Variants in PARP11 observed in about 807,000 individuals in gnomAD.
PARP11 encodes protein mono-ADP-ribosyltransferase PARP11.
PARP11 carries 31 observed loss-of-function variants against 42.9 expected under a neutral mutation model. The observed-to-expected ratio is 0.72, with a 90% CI of 0.54 to 0.98. The LOEUF is 0.98. PARP11 is among the 50% of genes least tolerant of loss of function. The pLI is 0.00. For synonymous variants in PARP11, 137 were observed against 127.3 expected (o/e 1.08, Z -0.51); for missense variants, 365 against 413.1 (o/e 0.88, Z 1.01).
Position 3,817,062 on chromosome 12 carries a change from G to A in PARP11, c.549-2874C>T, listed in dbSNP as rs905259123. Reference sequence around the variant, plus strand: ...AAAAATTAGCCAGGCGTGGTGGCGGGCGCCTGTAGTCCCAGCTACTCAGGA... The same window carrying A: ...AAAAATTAGCCAGGCGTGGTGGCGGACGCCTGTAGTCCCAGCTACTCAGGA... On this transcript the variant is annotated intron_variant, in intron 6 of 7. Coordinates refer to ENST00000228820, the MANE Select transcript of PARP11 (RefSeq NM_020367.6). Among the ~76,000 whole-genome samples the A allele has an allele frequency of 9.6e-4, 146 of 151,404 alleles. 1 individual carries two copies. Among genetic ancestry groups the A allele is most frequent in the African/African-American group, 3.5e-3 (145 of 41,244 alleles).
intron 3 of PARP11, 92 bp downstream of exon 3, chr12:3,828,818 G>A (rs1947580437): frequency 1.8e-6 from 2 of 1,127,096 alleles, no homozygotes; most frequent in Non-Finnish European, 2.5e-6. Flanking sequence ...TTCACTGTTT[G>A]CAAATATATC....
intron 7 of PARP11, among the ~76,000 whole-genome samples, chr12:3,813,255 T>C (rs1947220140): frequency 6.6e-6 from 1 of 152,218 alleles, no homozygotes; most frequent in Non-Finnish European, 1.5e-5. Context: ...GAAACCGTAT[T>C]TCTATGATAT....
At chr12:3,831,489 T>C (rs1947637060) in intron 1 of PARP11, among the ~76,000 whole-genome samples, 1 of 152,136 alleles carries the variant, frequency 6.6e-6, no homozygotes, top group South Asian at 2.1e-4. Flanking sequence ...TAGGCCACAG[T>C]TGGCTCTTCA....
chr12:3,822,415 G>A (rs1005374841), intron 4 of PARP11, among the ~76,000 whole-genome samples: 2 of 147,646 alleles, frequency 1.4e-5, no homozygotes, highest in South Asian at 2.2e-4. Context: ...TGGCTAACAC[G>A]GTGAAACCCC....
chr12:3,814,343 A>C lies in PARP11; in HGVS notation c.549-155T>G, dbSNP rs565814813. Reference sequence around the variant, plus strand: ...ACAAAGCAAGTCTAGAAAAGAAATAATTTCAAATGTTCTTGGACACATAAA... The same window carrying C: ...ACAAAGCAAGTCTAGAAAAGAAATACTTTCAAATGTTCTTGGACACATAAA... On this transcript the variant is annotated intron_variant, in intron 6 of 7. Transcript: ENST00000228820. Among the ~76,000 whole-genome samples the C allele has an allele frequency of 2.0e-5, 3 of 152,336 alleles. No individual in the cohort carries two copies. In the East Asian group the frequency reaches 5.8e-4, roughly 29 times the overall value.
chr12:3,869,633 T>C (rs1343390193), intron 1 of PARP11, among the ~76,000 whole-genome samples: 6 of 152,226 alleles, frequency 3.9e-5, no homozygotes, highest in Admixed American at 3.9e-4. Flanking sequence ...GCTTGCTCAA[T>C]CCTTCAGATC....
chr12:3,835,928 A>G (rs1053266970), intron 1 of PARP11, among the ~76,000 whole-genome samples: 1 of 152,178 alleles, frequency 6.6e-6, no homozygotes, highest in Non-Finnish European at 1.5e-5. Flanking sequence ...CAACATATAA[A>G]TAACTACAGT....
chr12:3,859,165 A>G (rs10437816), intron 1 of PARP11, among the ~76,000 whole-genome samples: 15,741 of 152,124 alleles, frequency 0.1, 1,282 homozygotes, highest in East Asian at 0.43. Context: ...CATATATGAA[A>G]CAAATAAATT....
At chr12:3,849,591 A>G (rs1948059716) in intron 1 of PARP11, among the ~76,000 whole-genome samples, 1 of 152,290 alleles carries the variant, frequency 6.6e-6, no homozygotes, top group South Asian at 2.1e-4. Flanking sequence ...CATATGTAGG[A>G]GCTAAATAAG....
intron 1 of PARP11, among the ~76,000 whole-genome samples, chr12:3,848,131 A>G (rs1591787782): frequency 6.6e-6 from 1 of 152,180 alleles, no homozygotes; most frequent in African/African-American, 2.4e-5. Flanking sequence ...TACAGGAAAA[A>G]CTATAAAATG....
chr12:3,814,965 A>T (rs998621711), intron 6 of PARP11: 4 of 452,872 alleles, frequency 8.8e-6, no homozygotes, highest in African/African-American at 4.0e-5. Context: ...GTAGTAAAAA[A>T]TACAAAATAC....
chr12:3,863,399 A>C (rs773515479), intron 1 of PARP11, among the ~76,000 whole-genome samples: 3 of 152,220 alleles, frequency 2.0e-5, no homozygotes, highest in Non-Finnish European at 4.4e-5. Context: ...TACTGAATAA[A>C]GAATGGACAT....
intron 1 of PARP11, among the ~76,000 whole-genome samples, chr12:3,831,160 T>C (rs1194107692): frequency 6.6e-6 from 1 of 152,166 alleles, no homozygotes; most frequent in Non-Finnish European, 1.5e-5. Flanking sequence ...AAAGACTTTT[T>C]TAACCATCAC....
At chr12:3,824,273 T>G (rs2138031940) in intron 4 of PARP11, among the ~76,000 whole-genome samples, 1 of 152,358 alleles carries the variant, frequency 6.6e-6, no homozygotes, top group South Asian at 2.1e-4. Flanking sequence ...ATCTTCTATT[T>G]AGAGAGTCCT....
intron 6 of PARP11, among the ~76,000 whole-genome samples, chr12:3,816,135 G>A (rs1947282989): frequency 1.3e-5 from 2 of 152,094 alleles, no homozygotes; most frequent in African/African-American, 4.8e-5. Context: ...AGAACTTTAT[G>A]TTCTCACTTT....
chr12:3,841,174 G>A (rs1947881541), intron 1 of PARP11: 1 of 1,582,030 alleles, frequency 6.3e-7, no homozygotes, highest in South Asian at 1.1e-5. Context: ...ACTCTATCCT[G>A]GGTTTCCTTG....
chr12:3,839,233 C>T (rs965502633), intron 1 of PARP11, among the ~76,000 whole-genome samples: 11 of 150,564 alleles, frequency 7.3e-5, no homozygotes, highest in African/African-American at 2.7e-4. Flanking sequence ...CAGGCCGGGG[C>T]GTCGAGCAGC....
At chr12:3,852,523 G>T (rs1948116815) in intron 1 of PARP11, among the ~76,000 whole-genome samples, 1 of 152,184 alleles carries the variant, frequency 6.6e-6, no homozygotes, top group African/African-American at 2.4e-5. Flanking sequence ...CAATCAAGTG[G>T]AAGAAAGGGT....
At chr12:3,860,811 G>C (rs1300959073) in intron 1 of PARP11, among the ~76,000 whole-genome samples, 3 of 152,018 alleles carry the variant, frequency 2.0e-5, no homozygotes, top group African/African-American at 7.2e-5. Flanking sequence ...TGAGGAGCTG[G>C]GACTACAAGC....
Sources: allele counts gnomAD v4.1 joint callset (sites outside exome capture counted in the v4.1 genomes callset), GRCh38; gene constraint gnomAD v4.1.1; transcripts MANE v1.5; gene names NCBI Gene and HGNC (gene_info 2026-07-23, HGNC 2026-07-21).